PHACTR1: variants seen among roughly 807,000 people sequenced by gnomAD.
PHACTR1 encodes the protein RPEL repeat containing 1.
In PHACTR1, 16 loss-of-function variants were observed where a neutral mutation model predicts 69.2. That is an observed-to-expected ratio of 0.23 (90% CI 0.16 to 0.35). The LOEUF (loss-of-function observed/expected upper bound fraction) is 0.35, where lower values mean the gene tolerates loss of function less well. Ranked by LOEUF, PHACTR1 falls within the 10% of genes least tolerant of loss-of-function variation. The probability of loss-of-function intolerance (pLI) is 1.00; values close to 1 mark genes in which losing one functional copy is unlikely to be tolerated. For synonymous variants in PHACTR1, 312 were observed against 284.5 expected, an observed-to-expected ratio of 1.10 and a Z score of -0.97; for missense variants, 510 against 734.7, an observed-to-expected ratio of 0.69 and a Z score of 3.54.
At chr6:13,057,824 C>A (rs1446637138) in intron 5 of PHACTR1, among the ~76,000 whole-genome samples, 1 of 152,180 alleles carries the variant, frequency 6.6e-6, no homozygotes, top group Non-Finnish European at 1.5e-5. Flanking sequence ...ACTCTTACAT[C>A]CTTCCTGTTC....
At chr6:12,897,553 A>T (rs1028961686) in intron 4 of PHACTR1, among the ~76,000 whole-genome samples, 7 of 152,098 alleles carry the variant, frequency 4.6e-5, no homozygotes, top group African/African-American at 1.7e-4. Context: ...GCACACACAG[A>T]CTTCGCCTAA....
intron 4 of PHACTR1, among the ~76,000 whole-genome samples, chr6:12,752,555 T>G (rs1766759809): frequency 6.6e-6 from 1 of 152,256 alleles, no homozygotes; most frequent in Non-Finnish European, 1.5e-5. Flanking sequence ...AACCCATGTT[T>G]GATATTTTAG....
rs1404750305 is a variant in PHACTR1 at position 13,238,782 on chromosome 6, C to T, written c.1391+8589C>T. 7.9e-5 allele frequency among the ~76,000 whole-genome samples: 12 copies of T among 152,116 alleles called. No individual in the cohort carries two copies. In the East Asian group the frequency reaches 2.1e-3, roughly 27 times the overall value. On this transcript the variant is annotated intron_variant, in intron 10 of 14. Transcript: ENST00000332995. ...ATGCTGAGTGTGAGCTGGCATCTCC[C>T]CTGGCTAGGTAATTTCTTCTGCTGC...
At chr6:12,797,784 A>G (rs1773226040) in intron 4 of PHACTR1, among the ~76,000 whole-genome samples, 2 of 152,026 alleles carry the variant, frequency 1.3e-5, no homozygotes, top group South Asian at 4.2e-4. Context: ...GTTTTGTGCC[A>G]CCTGTTCCCT....
chr6:13,145,136 A>G (rs1412427214), intron 5 of PHACTR1, among the ~76,000 whole-genome samples: 1 of 152,210 alleles, frequency 6.6e-6, no homozygotes, highest in African/African-American at 2.4e-5. Flanking sequence ...AAGTCTTGTT[A>G]TAGCTCAGTA....
chr6:12,829,058 G>A lies in PHACTR1; in HGVS notation c.250+79268G>A, dbSNP rs569425033. ...TACACGTGTATTGAAATATCACTCCGTACCCCATAAATGTGTGCCATTATT... is the reference window on the plus strand; with the variant it reads ...TACACGTGTATTGAAATATCACTCCATACCCCATAAATGTGTGCCATTATT... On this transcript the variant is annotated intron_variant, in intron 4 of 14. Transcript: ENST00000332995. Among the ~76,000 whole-genome samples the A allele has an allele frequency of 6.6e-5, 10 of 152,116 alleles. No individual in the cohort carries two copies. The East Asian group carries it at 7.7e-4, about 12-fold the overall frequency.
At chr6:12,793,279 T>C (rs1772562745) in intron 4 of PHACTR1, among the ~76,000 whole-genome samples, 1 of 152,220 alleles carries the variant, frequency 6.6e-6, no homozygotes, top group African/African-American at 2.4e-5. Flanking sequence ...TATTGGGTTA[T>C]AAAATCTTGT....
At chr6:13,233,745 A>G (rs1584132121) in intron 10 of PHACTR1, among the ~76,000 whole-genome samples, 2 of 152,290 alleles carry the variant, frequency 1.3e-5, no homozygotes, top group Middle Eastern at 3.4e-3. Flanking sequence ...TTGGGTGGGG[A>G]CACAGAACCA....
At chr6:13,017,185 CAAAAAAAAAA>C (rs5874397) in intron 4 of PHACTR1, among the ~76,000 whole-genome samples, 1 of 77,228 alleles carries the variant, frequency 1.3e-5, no homozygotes, top group Non-Finnish European at 2.3e-5. Flanking sequence ...GACTCTGTCT[CAAAAAAAAAA>C]AAAAAAAAAA....
chr6:12,749,434 T>C, intron 3 of PHACTR1: 3 of 625,456 alleles, frequency 4.8e-6, no homozygotes, highest in South Asian at 4.6e-5. Context: ...GGATTTTCTT[T>C]CTCTCCCTTC....
intron 5 of PHACTR1, among the ~76,000 whole-genome samples, chr6:13,097,914 A>T (rs1322104421): frequency 3.9e-5 from 6 of 152,242 alleles, no homozygotes; most frequent in Admixed American, 2.6e-4. Flanking sequence ...TCTACCTTTT[A>T]TCTGGGTTGC....
intron 8 of PHACTR1, among the ~76,000 whole-genome samples, chr6:13,225,896 C>T (rs2142568): frequency 0.12 from 18,928 of 152,124 alleles, 1,684 homozygotes; most frequent in Admixed American, 0.24. Flanking sequence ...GAAATCCAAG[C>T]GCAGTTGGAA....
intron 4 of PHACTR1, among the ~76,000 whole-genome samples, chr6:12,897,823 T>A (rs922510016): frequency 3.3e-5 from 5 of 152,022 alleles, no homozygotes; most frequent in African/African-American, 1.2e-4. Flanking sequence ...CATCAACCTA[T>A]CACCTACATT....
intron 4 of PHACTR1, chr6:12,958,042 G>A: frequency 1.0e-6 from 1 of 982,672 alleles, no homozygotes; most frequent in African/African-American, 1.7e-5. Context: ...TTTAAGGTAG[G>A]CATTGGCGTC....
intron 10 of PHACTR1, among the ~76,000 whole-genome samples, chr6:13,231,459 G>GGAAGGAAGGAAGGAAA (rs1771173077): frequency 2.0e-5 from 1 of 51,120 alleles, no homozygotes; most frequent in Non-Finnish European, 8.8e-5. Context: ...AAGGAAAGAA[G>GGAAGGAAGGAAGGAAA]GAAGGAAGGA....
At chr6:13,159,233 G>T (rs1223539) in intron 5 of PHACTR1, among the ~76,000 whole-genome samples, 4 of 152,278 alleles carry the variant, frequency 2.6e-5, no homozygotes, top group Non-Finnish European at 5.9e-5. Context: ...TAACTGAATG[G>T]TTCCTTCTCC....
intron 14 of PHACTR1, 28 bp from the exon 15 acceptor site, chr6:13,287,035 G>A: frequency 6.2e-7 from 1 of 1,605,938 alleles, no homozygotes; most frequent in Non-Finnish European, 8.5e-7. Flanking sequence ...CAGCCCCTTG[G>A]TCTTGATGTA....
rs149604877 is a variant in PHACTR1 at position 12,824,368 on chromosome 6, G to A, written c.250+74578G>A. 4.2e-3 allele frequency among the ~76,000 whole-genome samples: 638 copies of A among 152,096 alleles called. 4 individuals carry two copies. The highest frequency in any genetic ancestry group is 0.014 in the African/African-American group (560 of 41,474). ...ATATAACAATATAGAAATAAAATGC[G>A]CCATAAATGTAATGCACTTGAATCA... On this transcript the variant is annotated intron_variant, in intron 4 of 14. Coordinates refer to ENST00000332995, the MANE Select transcript of PHACTR1 (RefSeq NM_030948.6).
At chr6:13,065,602 A>G (rs1166043865) in intron 5 of PHACTR1, among the ~76,000 whole-genome samples, 6 of 152,046 alleles carry the variant, frequency 3.9e-5, no homozygotes, top group African/African-American at 1.2e-4. Flanking sequence ...TTGAGAGGGA[A>G]AATGAGAAAT....
Sources: gnomAD v4.1 joint callset for allele counts (sites outside exome capture counted in the v4.1 genomes callset) on GRCh38, gnomAD v4.1.1 for gene constraint, MANE v1.5 for transcripts, NCBI Gene and HGNC (gene_info 2026-07-23, HGNC 2026-07-21) for gene names.